The following ABCC4 variants were observed in gnomAD, a reference collection of about 807,000 sequenced individuals.
ABCC4 encodes the protein ATP binding cassette subfamily C member 4 (PEL blood group).
A neutral mutation model predicts 168.5 loss-of-function variants in ABCC4; 102 were observed. The observed-to-expected ratio is 0.61, with a 90% CI of 0.52 to 0.71. The LOEUF (loss-of-function observed/expected upper bound fraction) is 0.71. Among genes scored for constraint, ABCC4 ranks in the 30% least tolerant of loss-of-function variants. The pLI, the probability that ABCC4 is intolerant of heterozygous loss-of-function variation, is 0.00. For missense variants in ABCC4, 1,402 were observed against 1,605.8 expected, an observed-to-expected ratio of 0.87 and a Z score of 2.17; for synonymous variants, 617 against 590.7, an observed-to-expected ratio of 1.04 and a Z score of -0.65.
At chr13:95,257,542 C>T (rs994101989) in intron 1 of ABCC4, among the ~76,000 whole-genome samples, 1 of 151,950 alleles carries the variant, frequency 6.6e-6, no homozygotes, top group African/African-American at 2.4e-5. Context: ...TGGCGGTGCA[C>T]ATCCCAGCTA....
At chr13:95,031,796 T>C (rs922890078) in intron 30 of ABCC4, among the ~76,000 whole-genome samples, 1 of 152,258 alleles carries the variant, frequency 6.6e-6, no homozygotes, top group Non-Finnish European at 1.5e-5. Context: ...TTTCCTCATC[T>C]GTAAAACAAA....
Position 95,247,000 on chromosome 13 carries a change from A to G in ABCC4, c.281T>C (p.Val94Ala), listed in dbSNP as rs548353161. ...CTCAATTAACGTAAAAATTCCCAAA[A>G]CTAAATAAGATTTCCAGTAACACTT... is the stretch of plus-strand genomic sequence containing the variant. Reference protein sequence around the residue: ...IIKCYWKSYLVLGIFTLIEES... With the variant: ...IIKCYWKSYLALGIFTLIEES... The change falls in exon 3 of 31, where the codon GTT (valine) becomes GCT (alanine). Residue 94 changes from valine (V) to alanine (A), a missense_variant. Physicochemically the swap from Val to Ala is moderately conservative, Grantham distance 64. Transcript: ENST00000645237. The G allele has an allele frequency of 7.4e-6, 12 of 1,612,440 alleles. No homozygotes were observed. In the South Asian group the frequency reaches 1.2e-4, roughly 16 times the overall value.
intron 9 of ABCC4, 124 bp from the exon 10 acceptor site, chr13:95,188,666 A>G: frequency 2.7e-6 from 2 of 751,976 alleles, no homozygotes; most frequent in Admixed American, 3.0e-5. Context: ...TCTCCTTCCT[A>G]TTTTAAGATA....
intron 19 of ABCC4, among the ~76,000 whole-genome samples, chr13:95,116,637 C>T (rs924926515): frequency 4.6e-5 from 7 of 152,216 alleles, no homozygotes; most frequent in African/African-American, 1.7e-4. Context: ...TGCAGGAAAA[C>T]AGAAATATTA....
At chr13:95,221,835 A>G (rs1366202216) in intron 4 of ABCC4, among the ~76,000 whole-genome samples, 2 of 152,246 alleles carry the variant, frequency 1.3e-5, no homozygotes, top group African/African-American at 4.8e-5. Flanking sequence ...TGATTTCAAT[A>G]TAAGTCCTGG....
intron 3 of ABCC4, among the ~76,000 whole-genome samples, chr13:95,236,438 GA>G (rs1433461155): frequency 6.6e-6 from 1 of 152,154 alleles, no homozygotes; most frequent in East Asian, 1.9e-4. Context: ...TCTGAAGTGA[GA>G]GAAGAACAAT....
intron 19 of ABCC4, among the ~76,000 whole-genome samples, chr13:95,117,697 A>G (rs2035426767): frequency 6.6e-6 from 1 of 152,096 alleles, no homozygotes; most frequent in South Asian, 2.1e-4. Flanking sequence ...TTATTTCTTA[A>G]GTGGAAAAGT....
At chr13:95,300,594 G>A (rs995136676) in intron 1 of ABCC4, among the ~76,000 whole-genome samples, 5 of 152,110 alleles carry the variant, frequency 3.3e-5, no homozygotes, top group Admixed American at 1.3e-4. Flanking sequence ...GGAGAGCCCT[G>A]GTCACTGAGA....
At chr13:95,102,189 G>A (rs2034832847) in intron 20 of ABCC4, among the ~76,000 whole-genome samples, 1 of 152,158 alleles carries the variant, frequency 6.6e-6, no homozygotes, top group Admixed American at 6.5e-5. Flanking sequence ...CTGTTGCTCA[G>A]GCTGGAGTGC....
Position 95,038,374 on chromosome 13 carries a change from C to CAAAA in ABCC4, c.3736-3639_3736-3636dup, listed in dbSNP as rs74617293. Among the ~76,000 whole-genome samples, 360 of 97,412 alleles carry CAAAA rather than the reference C, an allele frequency of 3.7e-3. 8 individuals carry two copies. Among genetic ancestry groups the CAAAA allele is most frequent in the African/African-American group, 0.013 (313 of 24,028 alleles). The allele number at this position is 97,412 out of a possible 152,430, so 63.9% of individuals were successfully genotyped here. ...CCCCTGCTTTTAGGAAGCCCATACT[C>CAAAA]AAAAAAAAAAAAAAAAAAAAAGACA... On this transcript the variant is annotated intron_variant, in intron 29 of 30. Transcript: ENST00000645237.
chr13:95,072,623 G>A (rs1278758624), intron 24 of ABCC4, among the ~76,000 whole-genome samples: 4 of 152,154 alleles, frequency 2.6e-5, no homozygotes, highest in African/African-American at 9.6e-5. Context: ...TCTCTCTTTA[G>A]GGGAAGGTGC....
Position 95,201,371 on chromosome 13 carries a change from A to ACT in ABCC4, c.1161+5159_1161+5160dup, listed in dbSNP as rs1479911688. Among the ~76,000 whole-genome samples the ACT allele has an allele frequency of 2.0e-5, 3 of 152,068 alleles. No homozygotes were observed. In the East Asian group the frequency reaches 5.8e-4, roughly 29 times the overall value. On this transcript the variant is annotated intron_variant, in intron 8 of 30. Transcript: ENST00000645237. ...GTCTGCAGGATCCCTTTCATGCCAC[A>ACT]CTCTCTGATGTGTGACATAATTCAG...
intron 11 of ABCC4, among the ~76,000 whole-genome samples, chr13:95,186,428 A>G (rs1461142013): frequency 6.6e-6 from 1 of 152,058 alleles, no homozygotes; most frequent in African/African-American, 2.4e-5. Flanking sequence ...AATTTTTATA[A>G]TTGTCCATTT....
intron 1 of ABCC4, among the ~76,000 whole-genome samples, chr13:95,296,842 G>T (rs931815536): frequency 1.3e-5 from 2 of 152,118 alleles, no homozygotes; most frequent in African/African-American, 4.8e-5. Context: ...TTCCACTAAC[G>T]GGAAAGAGGA....
intron 1 of ABCC4, 102 bp downstream of exon 1, chr13:95,301,139 C>T: frequency 8.6e-7 from 1 of 1,163,462 alleles, no homozygotes; most frequent in Non-Finnish European, 1.2e-6. Flanking sequence ...TCCCCTCGCC[C>T]CCAGCCGCAG....
intron 19 of ABCC4, among the ~76,000 whole-genome samples, chr13:95,159,123 A>ATATATATATATATATATC: frequency 7.5e-6 from 1 of 134,046 alleles, no homozygotes; most frequent in African/African-American, 2.7e-5. Context: ...ATATATATAT[A>ATATATATATATATATATC]TATATATATA....
chr13:95,041,438 C>A (rs2032356051), intron 29 of ABCC4, among the ~76,000 whole-genome samples: 1 of 152,290 alleles, frequency 6.6e-6, no homozygotes, highest in South Asian at 2.1e-4. Flanking sequence ...GAAGTATTCA[C>A]CAATGCAACA....
rs778714745 is a variant in ABCC4 at position 95,206,609 on chromosome 13, G to A, written c.1084C>T (p.Arg362Trp). ...GGGAAGAAGAGGGTAACCGTCAGCC[G>A]CACAGCCCCATACAGCGTCACTGCC... ...FVAVTLYGAV[R>W]LTVTLFFPSA... Residue 362 changes from arginine (R) to tryptophan (W), a missense_variant, in exon 8 of 31, where the codon CGG (arginine) becomes TGG (tryptophan). Arg to Trp is a moderately radical substitution (Grantham distance 101, BLOSUM62 -3). This residue lies in a region of ABCC4 where 78 missense variants were observed against 133.0 expected (regional missense o/e 0.59). Transcript: ENST00000645237. 8.7e-6 allele frequency: 14 copies of A among 1,614,084 alleles called. No homozygotes were observed. The highest frequency in any genetic ancestry group is 2.2e-5 in the East Asian group (1 of 44,866).
chr13:95,290,307 T>C (rs9524891), intron 1 of ABCC4, among the ~76,000 whole-genome samples: 63,177 of 151,748 alleles, frequency 0.42, 16,075 homozygotes, highest in Non-Finnish European at 0.57. Flanking sequence ...TTAGAAAAAA[T>C]AAAGCTAATA....
Sources: gnomAD v4.1 joint callset for allele counts (sites outside exome capture counted in the v4.1 genomes callset) on GRCh38, gnomAD v4.1.1 for gene constraint, gnomAD v4.1.1 regional missense constraint, MANE v1.5 for transcripts, NCBI Gene and HGNC (gene_info 2026-07-23, HGNC 2026-07-21) for gene names.